The following TGM6 variants were observed in gnomAD, a reference collection of about 807,000 sequenced individuals.
TGM6 encodes the protein transglutaminase 6.
Under a neutral mutation model 77.5 loss-of-function variants are expected in TGM6, and 74 were observed. That is an observed-to-expected ratio of 0.96 (90% CI 0.79 to 1.16). The LOEUF (loss-of-function observed/expected upper bound fraction) is 1.16, where lower values mean the gene tolerates loss of function less well. Among genes scored for constraint, TGM6 ranks in the 50% most tolerant of loss-of-function variants. The pLI is 0.00. For synonymous variants in TGM6, 383 were observed against 378.9 expected, an observed-to-expected ratio of 1.01 and a Z score of -0.12; for missense variants, 968 against 940.2, an observed-to-expected ratio of 1.03 and a Z score of -0.39.
chr20:2,396,951 A>G (rs111232392), intron 4 of TGM6, among the ~76,000 whole-genome samples: 27 of 152,312 alleles, frequency 1.8e-4, no homozygotes, highest in African/African-American at 6.5e-4. Context: ...CCACCCCCAG[A>G]GCTGCCGACT....
At chr20:2,384,106 CAAAAAAAA>C (rs35843804) in intron 1 of TGM6, among the ~76,000 whole-genome samples, 1 of 84,614 alleles carries the variant, frequency 1.2e-5, no homozygotes, top group African/African-American at 4.7e-5. Context: ...GACTCCGTCT[CAAAAAAAA>C]AAAAAAAAAA....
At chr20:2,413,120 A>T (rs6083123) in intron 9 of TGM6, among the ~76,000 whole-genome samples, 23,224 of 152,196 alleles carry the variant, frequency 0.15, 1,932 homozygotes, top group East Asian at 0.25. Context: ...CAAATTCAAA[A>T]CTTACTACAG....
At chr20:2,389,673 T>C (rs561802963) in intron 1 of TGM6, among the ~76,000 whole-genome samples, 15 of 152,208 alleles carry the variant, frequency 9.9e-5, no homozygotes, top group Non-Finnish European at 7.4e-5. Context: ...AAATAGTAAA[T>C]AAGAGGAAAT....
At chr20:2,422,949 C>CAAA (rs3050737) in intron 10 of TGM6, among the ~76,000 whole-genome samples, 24,720 of 112,768 alleles carry the variant, frequency 0.22, 2,761 homozygotes, top group African/African-American at 0.32. Flanking sequence ...GACTCTTTCT[C>CAAA]AAAAAAAAAA....
intron 9 of TGM6, among the ~76,000 whole-genome samples, chr20:2,405,447 T>G (rs891952319): frequency 2.6e-5 from 4 of 152,174 alleles, no homozygotes; most frequent in African/African-American, 9.7e-5. Flanking sequence ...AGCTCCCAGG[T>G]GGTCTCTAGT....
rs374782327 is a variant in TGM6, at chr20:2,394,614, C to A, written c.170C>A (p.Thr57Lys). 1 of 1,610,850 alleles carries A rather than the reference C, an allele frequency of 6.2e-7. No homozygotes were observed. Among genetic ancestry groups the A allele is most frequent in the Non-Finnish European group, 8.5e-7 (1 of 1,179,032 alleles). The change falls in exon 2 of 13, where the codon ACG becomes AAG. Residue 57 changes from threonine (T) to lysine (K), a missense_variant. Transcript: ENST00000202625. ...GACTGTGAGGAGATCCTCATCTTCA[C>A]GATGGAGACAGGTAACTGGGCTTGC... ...ALDCEEILIF[T>K]METGPRASEA... is the part of the protein sequence containing the mutation.
chr20:2,407,824 T>C (rs569827692), intron 9 of TGM6, among the ~76,000 whole-genome samples: 51 of 152,108 alleles, frequency 3.4e-4, no homozygotes, highest in Non-Finnish European at 4.7e-4. Context: ...TCATGTGCTC[T>C]CAAAGTAGAG....
intron 3 of TGM6, among the ~76,000 whole-genome samples, chr20:2,395,796 G>A (rs1212961754): frequency 6.6e-6 from 1 of 152,218 alleles, no homozygotes; most frequent in Non-Finnish European, 1.5e-5. Context: ...TTATGACTAT[G>A]GTGAACACCC....
intron 7 of TGM6, 151 bp downstream of exon 7, chr20:2,400,595 T>G: frequency 9.1e-7 from 1 of 1,096,992 alleles, no homozygotes; most frequent in Non-Finnish European, 1.3e-6. Context: ...AGAGGCGCCC[T>G]GCGGATAGTG....
At position 2,417,491 on chromosome 20, in the gene TGM6, C is replaced by T. The variant is rs762016624; in HGVS notation, c.1596C>T (p.Ser532=). Residue 532 remains serine, a synonymous_variant, in exon 10 of 13, where the codon AGC becomes AGT. Coordinates refer to ENST00000202625, the MANE Select transcript of TGM6 (RefSeq NM_198994.3). ...SRAQRVRVNL[S]GATILYTRKP... is the part of the protein sequence containing the mutation. ...CCCAGCGGGTGAGGGTCAACCTGAG[C>T]GGTGCCACCATCCTCTATACCCGCA... The T allele has an allele frequency of 6.2e-5, 99 of 1,608,688 alleles. No individual in the cohort carries two copies. The Admixed American group carries it at 1.3e-3, about 21-fold the overall frequency.
intron 9 of TGM6, among the ~76,000 whole-genome samples, chr20:2,407,354 C>T (rs903599799): frequency 6.6e-6 from 1 of 152,164 alleles, no homozygotes; most frequent in Non-Finnish European, 1.5e-5. Context: ...CATGGTGGCT[C>T]ACGCCTGCAA....
intron 9 of TGM6, among the ~76,000 whole-genome samples, chr20:2,412,448 C>T (rs1300492393): frequency 6.6e-6 from 1 of 151,934 alleles, no homozygotes; most frequent in Admixed American, 6.6e-5. Context: ...CTTAATGACA[C>T]TGAAGTATAC....
intron 10 of TGM6, among the ~76,000 whole-genome samples, chr20:2,426,219 T>C (rs963129126): frequency 8.0e-6 from 1 of 124,782 alleles, no homozygotes; most frequent in Non-Finnish European, 1.8e-5. Flanking sequence ...CTTGTACATA[T>C]TTTGTTAAAT....
chr20:2,396,248 T>G (rs2084666323), intron 3 of TGM6, among the ~76,000 whole-genome samples: 1 of 151,728 alleles, frequency 6.6e-6, no homozygotes, highest in Non-Finnish European at 1.5e-5. Context: ...AGGCTACTAC[T>G]GACATCAAGG....
In TGM6 at chr20:2,417,498, A is replaced by G. The variant is rs745525479; in HGVS notation, c.1603A>G (p.Thr535Ala). 1.2e-6 allele frequency: 2 copies of G among 1,607,394 alleles called. No individual in the cohort carries two copies. Among genetic ancestry groups the G allele is most frequent in the Admixed American group, 1.7e-5 (1 of 59,938 alleles). Reference sequence around the variant, plus strand: ...GGTGAGGGTCAACCTGAGCGGTGCCACCATCCTCTATACCCGCAAGCCAGT... The same window carrying G: ...GGTGAGGGTCAACCTGAGCGGTGCCGCCATCCTCTATACCCGCAAGCCAGT... ...QRVRVNLSGA[T>A]ILYTRKPVAE... The change falls in exon 10 of 13, where the codon ACC (threonine) becomes GCC (alanine). Residue 535 changes from threonine to alanine, a missense_variant. Transcript: ENST00000202625.
chr20:2,425,083 C>T (rs2084879009), intron 10 of TGM6, among the ~76,000 whole-genome samples: 1 of 152,106 alleles, frequency 6.6e-6, no homozygotes. Context: ...TATGTAATCC[C>T]AATCCCATTC....
intron 1 of TGM6, among the ~76,000 whole-genome samples, chr20:2,388,547 G>A (rs1294900713): frequency 6.6e-6 from 1 of 151,878 alleles, no homozygotes; most frequent in African/African-American, 2.4e-5. Context: ...TGAGATGGGA[G>A]GATTGCTTGA....
rs368708464 is a variant in TGM6 at position 2,399,679 on chromosome 20, G to A, written c.791G>A (p.Gly264Asp). 4 of 1,613,930 alleles carry A rather than the reference G, an allele frequency of 2.5e-6. No individual in the cohort carries two copies. Among genetic ancestry groups the A allele is most frequent in the East Asian group, 2.2e-5 (1 of 44,864 alleles). Residue 264 changes from glycine to aspartate, a missense_variant, in exon 6 of 13, where the codon GGC becomes GAC. Transcript: ENST00000202625. The stretch of plus-strand genomic sequence containing the variant: ...GCCATTCTGCAGAAGTGGCTCAAGG[G>A]CAGGTACAAGCCAGTCAAGTACGGC... ...SVAILQKWLK[G>D]RYKPVKYGQC... is the part of the protein sequence containing the mutation.
chr20:2,421,389 G>C (rs2084855645), intron 10 of TGM6, among the ~76,000 whole-genome samples: 1 of 152,208 alleles, frequency 6.6e-6, no homozygotes. Context: ...CAAAGTGGCT[G>C]TATCATTTTG....
Sources: gnomAD v4.1 joint callset for allele counts (sites outside exome capture counted in the v4.1 genomes callset) on GRCh38, gnomAD v4.1.1 for gene constraint, MANE v1.5 for transcripts, NCBI Gene and HGNC (gene_info 2026-07-23, HGNC 2026-07-21) for gene names.